Variants in NBAS observed in about 807,000 individuals in gnomAD.
NBAS encodes the protein NAG/BC035112 fusion.
Under a neutral mutation model 302.5 loss-of-function variants are expected in NBAS, and 219 were observed. That is an observed-to-expected ratio of 0.72 (90% confidence interval 0.65 to 0.81). The LOEUF is 0.81. NBAS is among the 30% of genes least tolerant of loss of function. The pLI is 0.00. For missense variants in NBAS, 2,932 were observed against 2,841.6 expected, an observed-to-expected ratio of 1.03 and a Z score of -0.72; for synonymous variants, 1,118 against 1,021.6, an observed-to-expected ratio of 1.09 and a Z score of -1.80.
chr2:15,214,812 G>A (rs1666579570), intron 48 of NBAS, among the ~76,000 whole-genome samples: 2 of 152,128 alleles, frequency 1.3e-5, no homozygotes, highest in Admixed American at 1.3e-4. Context: ...GAAAAGAAGG[G>A]TTAATATGTC....
At chr2:15,128,293 CG>C in the NBAS span, among the ~76,000 whole-genome samples, 1 of 152,246 alleles carries the variant, frequency 6.6e-6, no homozygotes, top group Non-Finnish European at 1.5e-5. Context: ...TGATTGACAG[CG>C]GGGGACTACT....
At chr2:15,378,090 G>A (rs1310629125) in intron 30 of NBAS, among the ~76,000 whole-genome samples, 1 of 152,176 alleles carries the variant, frequency 6.6e-6, no homozygotes, top group Non-Finnish European at 1.5e-5. Flanking sequence ...CCTTATTACT[G>A]AAGAGATTCT....
At chr2:15,016,873 G>A in the NBAS span, among the ~76,000 whole-genome samples, 1 of 152,092 alleles carries the variant, frequency 6.6e-6, no homozygotes, top group Non-Finnish European at 1.5e-5. Context: ...CATAGTAGGT[G>A]TATATACTTA....
intron 51 of NBAS, among the ~76,000 whole-genome samples, chr2:15,174,076 T>C (rs1664420248): frequency 6.6e-6 from 1 of 152,236 alleles, no homozygotes; most frequent in African/African-American, 2.4e-5. Context: ...TGCCTATTGC[T>C]GGACGCATCC....
At chr2:15,177,859 A>G (rs939237516) in intron 51 of NBAS, 30 of 251,590 alleles carry the variant, frequency 1.2e-4, no homozygotes, top group African/African-American at 6.3e-4. Flanking sequence ...CTTCGTTCTG[A>G]TTAATTATTG....
At chr2:15,078,742 G>T in the NBAS span, among the ~76,000 whole-genome samples, 5 of 152,118 alleles carry the variant, frequency 3.3e-5, no homozygotes, top group Admixed American at 6.5e-5. Context: ...CGACTGTACA[G>T]AAGAAAATAT....
chr2:15,123,910 T>C, the NBAS span, among the ~76,000 whole-genome samples: 8 of 152,220 alleles, frequency 5.3e-5, no homozygotes, highest in Non-Finnish European at 1.0e-4. Flanking sequence ...CCTGAAAATG[T>C]GGAAGCAGCT....
the NBAS span, among the ~76,000 whole-genome samples, chr2:14,898,362 A>G: frequency 6.6e-6 from 1 of 152,200 alleles, no homozygotes; most frequent in Non-Finnish European, 1.5e-5. Context: ...TCCCATGGCT[A>G]GTCATTATGA....
chr2:15,182,740 G>T (rs1341965389), intron 50 of NBAS, among the ~76,000 whole-genome samples: 1 of 152,148 alleles, frequency 6.6e-6, no homozygotes, highest in African/African-American at 2.4e-5. Flanking sequence ...AGCTGAGAAG[G>T]ATACATAACT....
the NBAS span, among the ~76,000 whole-genome samples, chr2:14,917,927 T>C: frequency 6.6e-6 from 1 of 152,156 alleles, no homozygotes; most frequent in African/African-American, 2.4e-5. Flanking sequence ...ATTTGTGACC[T>C]TGTCAGATAT....
the NBAS span, among the ~76,000 whole-genome samples, chr2:14,837,565 G>A: frequency 6.6e-6 from 1 of 151,194 alleles, no homozygotes; most frequent in Admixed American, 6.6e-5. Context: ...TGGTGGGAAA[G>A]CTTTTATTTA....
At chr2:14,982,073 C>G in the NBAS span, among the ~76,000 whole-genome samples, 4 of 152,288 alleles carry the variant, frequency 2.6e-5, no homozygotes, top group East Asian at 5.8e-4. Flanking sequence ...TTCCTCAGGG[C>G]ATTTTAAAAA....
At chr2:14,893,473 T>C in the NBAS span, among the ~76,000 whole-genome samples, 1 of 152,230 alleles carries the variant, frequency 6.6e-6, no homozygotes, top group African/African-American at 2.4e-5. Flanking sequence ...AAAACAAATA[T>C]GTTTGCAGCT....
At chr2:14,791,803 CATAAATAAATAAATAA>C in the NBAS span, among the ~76,000 whole-genome samples, 6 of 139,198 alleles carry the variant, frequency 4.3e-5, no homozygotes, top group Admixed American at 4.3e-4. Context: ...GACTCCATCT[CATAAATAAATAAATAA>C]ATAAATAAAT....
At chr2:15,413,783 T>C (rs1676794264) in intron 25 of NBAS, among the ~76,000 whole-genome samples, 1 of 152,176 alleles carries the variant, frequency 6.6e-6, no homozygotes. Flanking sequence ...ACATATATGT[T>C]GCAGGAAGAC....
chr2:15,254,077 T>C (rs1011802862), intron 44 of NBAS, among the ~76,000 whole-genome samples: 2 of 152,166 alleles, frequency 1.3e-5, no homozygotes, highest in Non-Finnish European at 2.9e-5. Context: ...TCACAAGATA[T>C]GCAACTTCTC....
the NBAS span, among the ~76,000 whole-genome samples, chr2:14,881,329 C>T: frequency 6.6e-6 from 1 of 152,038 alleles, no homozygotes; most frequent in Non-Finnish European, 1.5e-5. Context: ...GACATAAAAT[C>T]AATGGAAACA....
chr2:15,335,392 T>G (rs1672536588), intron 35 of NBAS, among the ~76,000 whole-genome samples: 1 of 152,208 alleles, frequency 6.6e-6, no homozygotes, highest in South Asian at 2.1e-4. Flanking sequence ...AATATACATA[T>G]GTCCAGATTT....
chr2:15,055,941 C>T, the NBAS span, among the ~76,000 whole-genome samples: 1 of 152,046 alleles, frequency 6.6e-6, no homozygotes, highest in African/African-American at 2.4e-5. Context: ...AATTTGTACA[C>T]TATTTGAAAG....
Sources: allele counts gnomAD v4.1 joint callset (sites outside exome capture counted in the v4.1 genomes callset), GRCh38; gene constraint gnomAD v4.1.1; transcripts MANE v1.5; gene names NCBI Gene and HGNC (gene_info 2026-07-23, HGNC 2026-07-21).